FGD1: variants seen among roughly 807,000 people sequenced by gnomAD.
FGD1 encodes FYVE, RhoGEF and PH domain containing 1.
Under a neutral mutation model 65.0 loss-of-function variants are expected in FGD1, and 12 were observed. That is an observed-to-expected ratio of 0.18 (90% confidence interval 0.12 to 0.30). The LOEUF (loss-of-function observed/expected upper bound fraction) is 0.30, where lower values mean the gene tolerates loss of function less well. FGD1 is among the 10% of genes least tolerant of loss of function. The pLI is 1.00. For missense variants in FGD1, 542 were observed against 837.6 expected, an observed-to-expected ratio of 0.65 and a Z score of 4.36; for synonymous variants, 333 against 343.9, an observed-to-expected ratio of 0.97 and a Z score of 0.35.
chrX:54,480,236 T>G (rs1326990251), intron 1 of FGD1, among the ~76,000 whole-genome samples: 1 of 112,379 alleles, frequency 8.9e-6, no homozygotes, highest in Non-Finnish European at 1.9e-5. Flanking sequence ...AAGAAGTTTT[T>G]CCAAAAAGAG....
chrX:54,484,384 T>C (rs886929298), intron 1 of FGD1, among the ~76,000 whole-genome samples: 1 of 111,128 alleles, frequency 9.0e-6, no homozygotes, highest in Non-Finnish European at 1.9e-5. Flanking sequence ...TCTTGTTGCC[T>C]ACCTGGCACC....
At chrX:54,480,712 C>T (rs1923124810) in intron 1 of FGD1, among the ~76,000 whole-genome samples, 1 of 108,853 alleles carries the variant, frequency 9.2e-6, no homozygotes, top group East Asian at 2.9e-4. Flanking sequence ...AGTGCAGTGG[C>T]GCAATCTCAG....
chrX:54,447,386 G>A lies in FGD1; in HGVS notation c.2505C>T (p.Gly835=), dbSNP rs776045582. The A allele has an allele frequency of 7.4e-6, 9 of 1,211,507 alleles. No homozygotes were observed. The highest frequency in any genetic ancestry group is 1.0e-5 in the Non-Finnish European group (9 of 895,169). ...CSFLHYMEKG[G]KGWHKAWFVV... ...CGAACCATGCCTTGTGCCATCCTTT[G>A]CCACCCTTCTCCATGTAGTGCAGGA... Residue 835 remains glycine (G), a synonymous_variant, in exon 17 of 18, where the codon GGC becomes GGT. Transcript: ENST00000375135.
chrX:54,449,894 G>A (rs1922337607), intron 13 of FGD1, 134 bp from the exon 14 acceptor site: 1 of 495,008 alleles, frequency 2.0e-6, no homozygotes, highest in Non-Finnish European at 3.6e-6. Context: ...TCACTGGTAG[G>A]TGGATGACTT....
chrX:54,488,446 G>A (rs957610024), intron 1 of FGD1, among the ~76,000 whole-genome samples: 2 of 108,321 alleles, frequency 1.8e-5, no homozygotes, highest in Non-Finnish European at 3.8e-5. Context: ...TTAGCCAGGC[G>A]TGATGGCGGG....
chrX:54,467,070 C>T (rs1197236017), intron 6 of FGD1, among the ~76,000 whole-genome samples: 1 of 111,102 alleles, frequency 9.0e-6, no homozygotes. Context: ...CTGTTCTAAG[C>T]TCTTTTATGT....
chrX:54,451,421 A>G (rs996073083), intron 12 of FGD1, among the ~76,000 whole-genome samples: 1 of 108,178 alleles, frequency 9.2e-6, no homozygotes, highest in Non-Finnish European at 1.9e-5. Flanking sequence ...AGTAGCTGGG[A>G]TTACAGGTGT....
chrX:54,494,629 T>A (rs936693662), intron 1 of FGD1, among the ~76,000 whole-genome samples: 16 of 109,787 alleles, frequency 1.5e-4, no homozygotes, highest in African/African-American at 5.3e-4. Context: ...TGAGCTTCAG[T>A]TTCCTTCCCT....
At chrX:54,467,121 C>T (rs1922781073) in intron 6 of FGD1, among the ~76,000 whole-genome samples, 1 of 110,690 alleles carries the variant, frequency 9.0e-6, no homozygotes, top group East Asian at 2.8e-4. Context: ...ACAAGGTAGG[C>T]CGTTATTATT....
intron 14 of FGD1, 57 bp downstream of exon 14, chrX:54,449,602 G>T: frequency 1.2e-6 from 1 of 800,601 alleles, no homozygotes; most frequent in Non-Finnish European, 1.9e-6. Flanking sequence ...GGTCAGGTGG[G>T]CATTTGGAAG....
intron 16 of FGD1, 111 bp from the exon 17 acceptor site, chrX:54,447,565 G>A (rs758344044): frequency 1.1e-5 from 9 of 825,497 alleles, no homozygotes; most frequent in African/African-American, 4.0e-5. Flanking sequence ...AGATGAAGAC[G>A]CTCAAGCTCA....
chrX:54,469,964 C>T (rs1194409791), intron 4 of FGD1, 52 bp downstream of exon 4: 7 of 1,099,526 alleles, frequency 6.4e-6, no homozygotes, highest in African/African-American at 5.5e-5. Flanking sequence ...GCACAAAAGG[C>T]GCTTCCAGGT....
intron 1 of FGD1, among the ~76,000 whole-genome samples, chrX:54,478,403 T>G (rs929040068): frequency 2.7e-5 from 3 of 110,510 alleles, no homozygotes; most frequent in Admixed American, 9.7e-5. Flanking sequence ...TTTTTTTTCT[T>G]AAGTCACTAA....
intron 6 of FGD1, among the ~76,000 whole-genome samples, chrX:54,466,533 AG>A (rs1481715356): frequency 5.4e-5 from 6 of 111,299 alleles, no homozygotes; most frequent in Non-Finnish European, 9.4e-5. Flanking sequence ...GATTGGAAGA[AG>A]GCCTGAGAGG....
At position 54,446,000 on chromosome X, in the gene FGD1, T is replaced by G; in HGVS notation, c.*109A>C. On this transcript the variant is annotated 3_prime_UTR_variant, in exon 18 of 18. Transcript: ENST00000375135. Reference sequence around the variant, plus strand: ...CAGCATTCGGGATTGAAAGTGCCCGTGATGGGAGTTCAAGTATTGACTGAG... The same window carrying G: ...CAGCATTCGGGATTGAAAGTGCCCGGGATGGGAGTTCAAGTATTGACTGAG... 1.8e-6 allele frequency: 1 copy of G among 564,517 alleles called. No homozygotes were observed. The highest frequency in any genetic ancestry group is 2.8e-6 in the Non-Finnish European group (1 of 353,836). The allele number at this position is 564,517 out of a possible 1,213,427, so 46.5% of individuals were successfully genotyped here.
chrX:54,468,641 G>A, intron 5 of FGD1, 146 bp downstream of exon 5: 1 of 486,919 alleles, frequency 2.1e-6, no homozygotes, highest in Admixed American at 2.9e-5. Flanking sequence ...TGGCTTCAGG[G>A]ACAAGCTGAC....
At chrX:54,466,107 C>T (rs1185820795) in intron 6 of FGD1, among the ~76,000 whole-genome samples, 2 of 111,983 alleles carry the variant, frequency 1.8e-5, no homozygotes, top group African/African-American at 6.5e-5. Flanking sequence ...GAAGTACTCA[C>T]CCTGAGACCT....
intron 8 of FGD1, among the ~76,000 whole-genome samples, chrX:54,460,736 G>A (rs1169615843): frequency 1.8e-5 from 2 of 111,427 alleles, no homozygotes; most frequent in East Asian, 2.8e-4. Context: ...GTGAGACTAC[G>A]TCTCAAAAAA....
intron 12 of FGD1, among the ~76,000 whole-genome samples, chrX:54,451,241 T>A (rs772757292): frequency 4.5e-5 from 5 of 110,575 alleles, no homozygotes; most frequent in Non-Finnish European, 9.5e-5. Flanking sequence ...CTTCCCTGAC[T>A]CTTCTGTCTG....
Sources: allele counts gnomAD v4.1 joint callset (sites outside exome capture counted in the v4.1 genomes callset), GRCh38; gene constraint gnomAD v4.1.1; transcripts MANE v1.5; gene names NCBI Gene and HGNC (gene_info 2026-07-23, HGNC 2026-07-21).